PRMT9: variants seen among roughly 807,000 people sequenced by gnomAD.
PRMT9 encodes the protein protein arginine methyltransferase 9.
PRMT9 carries 59 observed loss-of-function variants against 83.2 expected under a neutral mutation model. That is an observed-to-expected ratio of 0.71 (90% confidence interval 0.57 to 0.88). The LOEUF (loss-of-function observed/expected upper bound fraction) is 0.88, where lower values mean the gene tolerates loss of function less well. Ranked by LOEUF, PRMT9 falls within the 40% of genes least tolerant of loss-of-function variation. The probability of loss-of-function intolerance (pLI) is 0.00; values close to 1 mark genes in which losing one functional copy is unlikely to be tolerated. For missense variants in PRMT9, 947 were observed against 1,021.9 expected (o/e 0.93, Z 1.00); for synonymous variants, 333 against 353.2 (o/e 0.94, Z 0.64).
chr4:147,648,688 T>C (rs1733897185), intron 9 of PRMT9, among the ~76,000 whole-genome samples: 2 of 152,208 alleles, frequency 1.3e-5, no homozygotes, highest in Admixed American at 1.3e-4. Flanking sequence ...GGGGGCAGTC[T>C]GTGGAACTGA....
At chr4:147,661,086 G>C in intron 6 of PRMT9, 48 bp from the exon 7 acceptor site, 1 of 1,225,132 alleles carries the variant, frequency 8.2e-7, no homozygotes, top group South Asian at 1.2e-5. Flanking sequence ...GATTTTTTTA[G>C]AATCAAGTAA....
At chr4:147,653,218 G>A (rs939869677) in intron 9 of PRMT9, among the ~76,000 whole-genome samples, 7 of 152,110 alleles carry the variant, frequency 4.6e-5, no homozygotes, top group Admixed American at 1.3e-4. Context: ...GAGGTCAAGG[G>A]GGTGTGGATC....
intron 10 of PRMT9, among the ~76,000 whole-genome samples, chr4:147,639,810 A>C (rs894235449): frequency 1.3e-5 from 2 of 152,162 alleles, no homozygotes; most frequent in African/African-American, 2.4e-5. Context: ...CAGGACACAG[A>C]TACATTCACC....
intron 6 of PRMT9, among the ~76,000 whole-genome samples, chr4:147,666,775 G>T (rs1429926553): frequency 7.7e-6 from 1 of 130,138 alleles, no homozygotes. Flanking sequence ...CATTTATTTT[G>T]TCAACACCTT....
chr4:147,684,156 C>T lies in PRMT9; in HGVS notation c.-169G>A. The T allele has an allele frequency of 2.6e-6, 2 of 774,090 alleles. No homozygotes were observed. The highest frequency in any genetic ancestry group is 4.2e-6 in the Non-Finnish European group (2 of 471,808). The allele number at this position is 774,090 out of a possible 1,614,324, so 48.0% of individuals were successfully genotyped here. ...ACCCCAGCCCAGGCGGAAGCTCCGC[C>T]CCGTCCTGGCCCCGCGGGCGGCGCA... is the stretch of plus-strand genomic sequence containing the variant. On this transcript the variant is annotated 5_prime_UTR_variant, in exon 1 of 12. Coordinates refer to ENST00000322396, the MANE Select transcript of PRMT9 (RefSeq NM_138364.4).
intron 4 of PRMT9, among the ~76,000 whole-genome samples, chr4:147,670,977 G>T (rs1187432344): frequency 6.6e-6 from 1 of 152,018 alleles, no homozygotes; most frequent in African/African-American, 2.4e-5. Flanking sequence ...AAGATGGAGG[G>T]TGGGGGGAGG....
rs1734909461 is a variant in PRMT9, at chr4:147,660,976, G to C, written c.1016C>G (p.Ala339Gly). ...TTCTTCAGTATCTACAGAAGAATAA[G>C]CCGGACTCTGAAATTTCACATTTGT... ...LPTNVKFQSP[A>G]YSSVDTEETI... Residue 339 changes from alanine to glycine, a missense_variant, in exon 7 of 12, where the codon GCT (alanine) becomes GGT (glycine). Coordinates refer to ENST00000322396, the MANE Select transcript of PRMT9 (RefSeq NM_138364.4). The C allele has an allele frequency of 6.2e-7, 1 of 1,612,572 alleles. No homozygotes were observed. The highest frequency in any genetic ancestry group is 8.5e-7 in the Non-Finnish European group (1 of 1,178,832).
At chr4:147,659,677 A>T (rs1734812601) in intron 7 of PRMT9, among the ~76,000 whole-genome samples, 1 of 146,248 alleles carries the variant, frequency 6.8e-6, no homozygotes. Context: ...TCCTGGGTTC[A>T]AGCAATTCTC....
Position 147,675,084 on chromosome 4 carries a change from G to A in PRMT9, c.339-1210C>T, listed in dbSNP as rs139747133. Among the ~76,000 whole-genome samples, 464 of 152,128 alleles carry A rather than the reference G, an allele frequency of 3.1e-3. 4 individuals carry two copies. Among genetic ancestry groups the A allele is most frequent in the African/African-American group, 0.011 (443 of 41,504 alleles). On this transcript the variant is annotated intron_variant, in intron 2 of 11. Transcript: ENST00000322396. Reference sequence around the variant, plus strand: ...CAACCTCTGCCTCCCAGGTTCAAGCGATTCTCCTGCCTCAGCCTCCCAAGT... The same window carrying A: ...CAACCTCTGCCTCCCAGGTTCAAGCAATTCTCCTGCCTCAGCCTCCCAAGT...
At chr4:147,649,564 G>A (rs981841917) in intron 9 of PRMT9, among the ~76,000 whole-genome samples, 3 of 151,912 alleles carry the variant, frequency 2.0e-5, no homozygotes, top group South Asian at 2.1e-4. Context: ...GTGCAATGGC[G>A]CGATCTCAGC....
intron 9 of PRMT9, among the ~76,000 whole-genome samples, chr4:147,651,701 G>A (rs1171796982): frequency 6.6e-6 from 1 of 152,142 alleles, no homozygotes; most frequent in African/African-American, 2.4e-5. Flanking sequence ...ATTATGCTAA[G>A]TGAAACAACC....
chr4:147,673,633 C>A lies in PRMT9; in HGVS notation c.575+5G>T. ...ATATACCATTAAAATGCAATTACTA[C>A]CAACCTTAGTATTCCAGTTCCTGCT... On this transcript the variant is annotated splice_donor_5th_base_variant and intron_variant, in intron 3 of 11. Transcript: ENST00000322396. 6.4e-7 allele frequency: 1 copy of A among 1,559,882 alleles called. No homozygotes were observed. The highest frequency in any genetic ancestry group is 1.1e-5 in the South Asian group (1 of 89,844).
chr4:147,676,470 G>A (rs1377854471), intron 2 of PRMT9, among the ~76,000 whole-genome samples: 1 of 152,122 alleles, frequency 6.6e-6, no homozygotes, highest in Non-Finnish European at 1.5e-5. Context: ...CATTTAGGTG[G>A]AAAGAGGTTG....
intron 2 of PRMT9, among the ~76,000 whole-genome samples, chr4:147,677,216 A>G (rs111767717): frequency 7.5e-4 from 114 of 152,196 alleles, no homozygotes; most frequent in Non-Finnish European, 1.4e-3. Context: ...TAGATGTATT[A>G]AAACAAACCC....
chr4:147,670,853 G>A, intron 4 of PRMT9, 110 bp from the exon 5 acceptor site: 1 of 728,736 alleles, frequency 1.4e-6, no homozygotes, highest in Non-Finnish European at 2.4e-6. Flanking sequence ...CAGTCCATAT[G>A]TAATATATCC....
At chr4:147,667,992 C>CA (rs1560992545) in intron 6 of PRMT9, among the ~76,000 whole-genome samples, 6 of 17,178 alleles carry the variant, frequency 3.5e-4, no homozygotes, top group African/African-American at 5.5e-4. Flanking sequence ...TTAAAATAGG[C>CA]AAAAAAAAAA....
chr4:147,674,158 C>A (rs1252761635), intron 2 of PRMT9, among the ~76,000 whole-genome samples: 1 of 152,170 alleles, frequency 6.6e-6, no homozygotes, highest in Non-Finnish European at 1.5e-5. Flanking sequence ...AGTCATCCTC[C>A]ATTTAGCCAA....
intron 6 of PRMT9, among the ~76,000 whole-genome samples, chr4:147,665,909 C>CTATA (rs1735298795): frequency 6.6e-6 from 1 of 152,142 alleles, no homozygotes; most frequent in Admixed American, 6.5e-5. Flanking sequence ...TTATAGTGAA[C>CTATA]ATCCTTGTAC....
Position 147,668,661 on chromosome 4 carries a change from AT to A in PRMT9, c.847-17del, listed in dbSNP as rs1735520735. 1 of 1,375,712 alleles carries A rather than the reference AT, an allele frequency of 7.3e-7. No individual in the cohort carries two copies. Among genetic ancestry groups the A allele is most frequent in the East Asian group, 2.3e-5 (1 of 43,790 alleles). The allele number at this position is 1,375,712 out of a possible 1,614,324, so 85.2% of individuals were successfully genotyped here. ...CACCTTTGGTCTAAAAAAAATAACAATAAGAATTATGTTATCACATGTATGT... is the reference window on the plus strand; with the variant it reads ...CACCTTTGGTCTAAAAAAAATAACAAAAGAATTATGTTATCACATGTATGT... On this transcript the variant is annotated splice_polypyrimidine_tract_variant and intron_variant, in intron 5 of 11. Transcript: ENST00000322396.
Sources: gnomAD v4.1 joint callset for allele counts (sites outside exome capture counted in the v4.1 genomes callset) on GRCh38, gnomAD v4.1.1 for gene constraint, MANE v1.5 for transcripts, NCBI Gene and HGNC (gene_info 2026-07-23, HGNC 2026-07-21) for gene names.